The following GRIN3A variants were observed in gnomAD, a reference collection of about 807,000 sequenced individuals.
The protein encoded by GRIN3A is glutamate ionotropic receptor NMDA type subunit 3A, also known as glutamate receptor ionotropic, NMDA 3A.
Under a neutral mutation model 92.4 loss-of-function variants are expected in GRIN3A, and 47 were observed. The observed-to-expected ratio is 0.51, with a 90% CI of 0.40 to 0.65. GRIN3A has a LOEUF of 0.65. Ranked by LOEUF, GRIN3A falls within the 30% of genes least tolerant of loss-of-function variation. The pLI is 0.00. For synonymous variants in GRIN3A, 527 were observed against 540.6 expected, an observed-to-expected ratio of 0.97 and a Z score of 0.35; for missense variants, 1,324 against 1,393.1, an observed-to-expected ratio of 0.95 and a Z score of 0.79.
intron 1 of GRIN3A, among the ~76,000 whole-genome samples, chr9:101,727,038 A>C (rs1830089145): frequency 6.6e-6 from 1 of 152,150 alleles, no homozygotes; most frequent in Non-Finnish European, 1.5e-5. Flanking sequence ...ACGGTGTCAC[A>C]AAACTCAAGT....
intron 6 of GRIN3A, chr9:101,594,049 C>G: frequency 5.0e-6 from 1 of 200,596 alleles, no homozygotes; most frequent in Non-Finnish European, 1.0e-5. Flanking sequence ...AAATTTCCTC[C>G]CATATACAAA....
At chr9:101,719,803 C>T (rs7031850) in intron 1 of GRIN3A, among the ~76,000 whole-genome samples, 12,513 of 152,244 alleles carry the variant, frequency 0.082, 828 homozygotes, top group African/African-American at 0.18. Context: ...TATTTAGAAA[C>T]TGATGCAATC....
intron 6 of GRIN3A, chr9:101,593,144 A>C (rs1328831417): frequency 6.6e-6 from 1 of 152,232 alleles, no homozygotes; most frequent in Non-Finnish European, 1.5e-5. Context: ...CAAAACAAAA[A>C]CAACTAAAAG....
At chr9:101,588,240 C>A (rs1465417399) in intron 6 of GRIN3A, among the ~76,000 whole-genome samples, 7 of 152,100 alleles carry the variant, frequency 4.6e-5, no homozygotes, top group Admixed American at 3.3e-4. Context: ...TCTCATTAAC[C>A]AAGACATAGT....
At position 101,610,615 on chromosome 9, in the gene GRIN3A, ATC is replaced by A. The variant is rs751939271; in HGVS notation, c.2766+2759_2766+2760del. Among the ~76,000 whole-genome samples, 389 of 143,096 alleles carry A rather than the reference ATC, an allele frequency of 2.7e-3. 1 individual carries two copies. Among genetic ancestry groups the A allele is most frequent in the Admixed American group, 4.2e-3 (59 of 14,140 alleles). 93.9% of individuals were successfully genotyped at this position (143,096 alleles called of 152,430 possible). ...TATCTATCTATCTATCTATCTATCT[ATC>A]TATCTATCATCTATCTATCTACATT... On this transcript the variant is annotated intron_variant, in intron 6 of 8. Transcript: ENST00000361820.
At chr9:101,658,788 A>G (rs894665480) in intron 3 of GRIN3A, among the ~76,000 whole-genome samples, 1 of 151,778 alleles carries the variant, frequency 6.6e-6, no homozygotes, top group Non-Finnish European at 1.5e-5. Flanking sequence ...CTATGTATCT[A>G]TCCATGCAAT....
intron 6 of GRIN3A, among the ~76,000 whole-genome samples, chr9:101,597,455 G>A (rs1345872477): frequency 6.6e-6 from 1 of 152,192 alleles, no homozygotes; most frequent in Non-Finnish European, 1.5e-5. Context: ...ATAGGAGAGA[G>A]GAAGCATTTT....
At chr9:101,728,628 T>A (rs1219392356) in intron 1 of GRIN3A, among the ~76,000 whole-genome samples, 1 of 152,176 alleles carries the variant, frequency 6.6e-6, no homozygotes, top group Non-Finnish European at 1.5e-5. Flanking sequence ...AGTGCCCAGT[T>A]AGAGTGATAA....
chr9:101,616,121 A>C (rs183625655), intron 5 of GRIN3A, among the ~76,000 whole-genome samples: 13 of 152,294 alleles, frequency 8.5e-5, no homozygotes, highest in Non-Finnish European at 1.6e-4. Flanking sequence ...TTACTCAGGG[A>C]ATATTTGTTG....
At chr9:101,604,288 G>A (rs750650891) in intron 6 of GRIN3A, among the ~76,000 whole-genome samples, 6 of 152,140 alleles carry the variant, frequency 3.9e-5, no homozygotes, top group Non-Finnish European at 8.8e-5. Flanking sequence ...AAGAAAGAAC[G>A]AATGAATTTG....
chr9:101,714,844 T>G (rs1463032299), intron 1 of GRIN3A, among the ~76,000 whole-genome samples: 1 of 152,146 alleles, frequency 6.6e-6, no homozygotes, highest in Non-Finnish European at 1.5e-5. Flanking sequence ...TGTCAAATAT[T>G]TTGGAAGAAA....
intron 1 of GRIN3A, among the ~76,000 whole-genome samples, chr9:101,715,479 G>A (rs551974425): frequency 3.3e-5 from 5 of 152,210 alleles, no homozygotes; most frequent in African/African-American, 1.2e-4. Flanking sequence ...TAAAGAAAAA[G>A]TTTTATGTAA....
chr9:101,697,470 G>C (rs1472921209), intron 1 of GRIN3A, among the ~76,000 whole-genome samples: 1 of 152,156 alleles, frequency 6.6e-6, no homozygotes, highest in Non-Finnish European at 1.5e-5. Flanking sequence ...TAAATGAACA[G>C]GTCTGTGTCT....
chr9:101,689,448 G>A (rs1479499806), intron 1 of GRIN3A, among the ~76,000 whole-genome samples: 2 of 152,058 alleles, frequency 1.3e-5, no homozygotes, highest in African/African-American at 4.8e-5. Context: ...AAATCCAATA[G>A]GCATGAGAGA....
chr9:101,694,669 C>A (rs747479998), intron 1 of GRIN3A, among the ~76,000 whole-genome samples: 22 of 152,124 alleles, frequency 1.4e-4, no homozygotes, highest in Non-Finnish European at 2.9e-4. Context: ...ATGCCCCACA[C>A]AAATACAACT....
chr9:101,643,732 A>C (rs1828897747), intron 3 of GRIN3A, among the ~76,000 whole-genome samples: 1 of 151,244 alleles, frequency 6.6e-6, no homozygotes, highest in Non-Finnish European at 1.5e-5. Flanking sequence ...CACGGAAGGA[A>C]ATAATGCTGT....
intron 3 of GRIN3A, among the ~76,000 whole-genome samples, chr9:101,661,369 C>T (rs748333362): frequency 3.3e-5 from 5 of 151,762 alleles, no homozygotes; most frequent in Non-Finnish European, 7.4e-5. Flanking sequence ...GCCCAGGTAA[C>T]AGTGCTGTGA....
At chr9:101,591,289 T>A (rs2118807037) in intron 6 of GRIN3A, among the ~76,000 whole-genome samples, 1 of 152,364 alleles carries the variant, frequency 6.6e-6, no homozygotes, top group Non-Finnish European at 1.5e-5. Context: ...TTTACCTCTT[T>A]GGGCTTCAGT....
At chr9:101,720,391 A>G (rs1005016395) in intron 1 of GRIN3A, among the ~76,000 whole-genome samples, 3 of 152,230 alleles carry the variant, frequency 2.0e-5, no homozygotes, top group African/African-American at 7.2e-5. Context: ...CTATTTATAA[A>G]CTGAGGCTCA....
Sources: allele counts gnomAD v4.1 joint callset (sites outside exome capture counted in the v4.1 genomes callset), GRCh38; gene constraint gnomAD v4.1.1; transcripts MANE v1.5; gene names NCBI Gene and HGNC (gene_info 2026-07-23, HGNC 2026-07-21).